DNAH3: variants seen among roughly 807,000 people sequenced by gnomAD.
DNAH3 encodes the protein axonemal beta dynein heavy chain 3.
A neutral mutation model predicts 432.5 loss-of-function variants in DNAH3; 332 were observed. The observed-to-expected ratio is 0.77, with a 90% CI of 0.70 to 0.84. The LOEUF (loss-of-function observed/expected upper bound fraction) is 0.84. Ranked by LOEUF, DNAH3 falls within the 40% of genes least tolerant of loss-of-function variation. The pLI is 0.00. For synonymous variants in DNAH3, 1,956 were observed against 1,900.2 expected (o/e 1.03, Z -0.76); for missense variants, 4,861 against 5,114.0 (o/e 0.95, Z 1.51).
At chr16:21,012,592 C>T (rs1017366529) in intron 41 of DNAH3, among the ~76,000 whole-genome samples, 1 of 152,248 alleles carries the variant, frequency 6.6e-6, no homozygotes, top group East Asian at 1.9e-4. Context: ...TGGCAGATAA[C>T]AGTCAGAAAA....
chr16:21,152,798 C>A (rs1019248246), intron 1 of DNAH3, among the ~76,000 whole-genome samples: 3 of 152,242 alleles, frequency 2.0e-5, no homozygotes, highest in African/African-American at 7.2e-5. Context: ...ACCGGCGCTG[C>A]GCTCCATTTC....
intron 18 of DNAH3, among the ~76,000 whole-genome samples, chr16:21,095,521 T>C (rs1183601614): frequency 6.6e-6 from 1 of 152,156 alleles, no homozygotes; most frequent in Non-Finnish European, 1.5e-5. Context: ...AAGAGATCAA[T>C]AGTTGCCAGG....
At chr16:20,983,956 A>G (rs950780555) in intron 48 of DNAH3, among the ~76,000 whole-genome samples, 2 of 149,312 alleles carry the variant, frequency 1.3e-5, no homozygotes, top group African/African-American at 4.9e-5. Flanking sequence ...GAGCCCAGGA[A>G]GTTGAGCCTG....
rs1328460366 is a variant in DNAH3 at position 21,086,884 on chromosome 16, A to G, written c.2842T>C (p.Cys948Arg). ...TGTCGGTCTTTCATTCCTGGGTTGCAGGAAATACTGAGGATGGGAATGTAC... is the reference window on the plus strand; with the variant it reads ...TGTCGGTCTTTCATTCCTGGGTTGCGGGAAATACTGAGGATGGGAATGTAC... The change falls in exon 19 of 62, where the codon TGC (cysteine) becomes CGC (arginine). Residue 948 changes from cysteine (C) to arginine (R), a missense_variant. Physicochemically the swap from Cys to Arg is radical, Grantham distance 180 (BLOSUM62 -3). Coordinates refer to ENST00000261383, the Ensembl canonical transcript of DNAH3. 3.1e-6 allele frequency: 5 copies of G among 1,614,210 alleles called. No homozygotes were observed. The highest frequency in any genetic ancestry group is 4.2e-6 in the Non-Finnish European group (5 of 1,180,012).
chr16:20,988,328 TCAGTA>T (rs1371034261), intron 44 of DNAH3, among the ~76,000 whole-genome samples: 1 of 152,246 alleles, frequency 6.6e-6, no homozygotes, highest in Non-Finnish European at 1.5e-5. Context: ...ACCGTATTGC[TCAGTA>T]CAGATATAGA....
exon 5 of DNAH3, chr16:21,140,576 A>T: frequency 6.2e-7 from 1 of 1,613,980 alleles, no homozygotes; most frequent in Non-Finnish European, 8.5e-7. Flanking sequence ...TTTACTTTCC[A>T]TTTCCATCTC....
At chr16:21,135,288 T>C (rs1373971106) in intron 6 of DNAH3, among the ~76,000 whole-genome samples, 1 of 152,184 alleles carries the variant, frequency 6.6e-6, no homozygotes, top group Non-Finnish European at 1.5e-5. Flanking sequence ...CCATGGATGA[T>C]ACCATCCATT....
intron 11 of DNAH3, among the ~76,000 whole-genome samples, chr16:21,119,312 G>A (rs542430324): frequency 6.6e-6 from 1 of 152,258 alleles, no homozygotes; most frequent in South Asian, 2.1e-4. Context: ...ATGCCCTGTA[G>A]AGCAGTCTGT....
intron 49 of DNAH3, among the ~76,000 whole-genome samples, chr16:20,980,203 TTTATTTATA>T (rs887340597): frequency 5.4e-4 from 63 of 116,904 alleles, no homozygotes; most frequent in African/African-American, 2.2e-3. Context: ...TTATTATATA[TTTATTTATA>T]TTATTTATAT....
intron 19 of DNAH3, among the ~76,000 whole-genome samples, chr16:21,082,007 C>T (rs2091206148): frequency 6.6e-6 from 1 of 152,150 alleles, no homozygotes. Context: ...CCAAGCAATC[C>T]TCCCACATCA....
chr16:21,121,085 G>A (rs766310476), intron 10 of DNAH3: 13 of 646,880 alleles, frequency 2.0e-5, no homozygotes, highest in Non-Finnish European at 3.7e-5. Flanking sequence ...AGGCCCATGT[G>A]AAGCATACAT....
chr16:21,130,091 G>GAAAAAAAAAAAAAAAAAAAAAA (rs58706051), intron 7 of DNAH3: 2 of 79,152 alleles, frequency 2.5e-5, no homozygotes, highest in African/African-American at 9.2e-5. Flanking sequence ...CTAAATAAAT[G>GAAAAAAAAAAAAAAAAAAAAAA]AAAAAAAAAA....
At chr16:21,082,950 CTTT>C (rs200815205) in intron 19 of DNAH3, among the ~76,000 whole-genome samples, 2 of 149,248 alleles carry the variant, frequency 1.3e-5, no homozygotes, top group Admixed American at 1.3e-4. Context: ...TTCCATCTTG[CTTT>C]TTTTTTAACA....
chr16:21,104,269 G>T (rs2091899820), intron 16 of DNAH3: 1 of 549,402 alleles, frequency 1.8e-6, no homozygotes, highest in African/African-American at 1.9e-5. Context: ...ATTAGCAGAG[G>T]TTATTACAGT....
intron 18 of DNAH3, among the ~76,000 whole-genome samples, chr16:21,095,759 T>C (rs1268818416): frequency 6.6e-6 from 1 of 152,196 alleles, no homozygotes; most frequent in Non-Finnish European, 1.5e-5. Context: ...AAACACTTGG[T>C]AATTTATAAA....
chr16:21,120,710 A>G, intron 11 of DNAH3: 1 of 1,507,276 alleles, frequency 6.6e-7, no homozygotes, highest in Non-Finnish European at 9.2e-7. Flanking sequence ...TGGCATTGTA[A>G]TTCATCAAAT....
intron 41 of DNAH3, among the ~76,000 whole-genome samples, chr16:21,007,573 TATTAA>T (rs575095706): frequency 9.7e-4 from 147 of 152,292 alleles, no homozygotes; most frequent in South Asian, 1.4e-3. Context: ...GTCTTTTTAT[TATTAA>T]ATTATCATCA....
At chr16:20,934,596 G>T (rs1056576802) in intron 61 of DNAH3, among the ~76,000 whole-genome samples, 2 of 152,116 alleles carry the variant, frequency 1.3e-5, no homozygotes, top group African/African-American at 4.8e-5. Flanking sequence ...TCAAGGTGTG[G>T]TTTCTCCTGA....
intron 41 of DNAH3, among the ~76,000 whole-genome samples, chr16:21,005,695 C>T (rs1409781927): frequency 1.1e-4 from 16 of 148,174 alleles, no homozygotes; most frequent in African/African-American, 3.2e-4. Context: ...TTTTTTTTTT[C>T]CAAGAAGGGG....
Sources: allele counts gnomAD v4.1 joint callset (sites outside exome capture counted in the v4.1 genomes callset), GRCh38; gene constraint gnomAD v4.1.1; transcripts MANE v1.5; gene names NCBI Gene and HGNC (gene_info 2026-07-23, HGNC 2026-07-21).